Variants in ARHGAP5 observed in about 807,000 individuals in gnomAD.
ARHGAP5 encodes Rho GTPase activating protein 5, also known as rho GTPase-activating protein 5.
Under a neutral mutation model 116.6 loss-of-function variants are expected in ARHGAP5, and 23 were observed. That is an observed-to-expected ratio of 0.20 (90% CI 0.14 to 0.28). The LOEUF (loss-of-function observed/expected upper bound fraction) is 0.28, where lower values mean the gene tolerates loss of function less well. Among genes scored for constraint, ARHGAP5 ranks in the 10% least tolerant of loss-of-function variants. The pLI is 1.00. For synonymous variants in ARHGAP5, 574 were observed against 602.0 expected (o/e 0.95, Z 0.68); for missense variants, 1,405 against 1,774.8 (o/e 0.79, Z 3.74).
At chr14:32,115,480 G>C (rs186290240) in intron 2 of ARHGAP5, among the ~76,000 whole-genome samples, 1 of 151,826 alleles carries the variant, frequency 6.6e-6, no homozygotes, top group African/African-American at 2.4e-5. Flanking sequence ...TGGCCAACAC[G>C]GTGAAACCGC....
chr14:32,104,604 C>T (rs1158954256), intron 2 of ARHGAP5, among the ~76,000 whole-genome samples: 1 of 152,148 alleles, frequency 6.6e-6, no homozygotes, highest in Non-Finnish European at 1.5e-5. Flanking sequence ...TTCTTTCTTA[C>T]ACCAGTGTGT....
chr14:32,121,380 G>GTA (rs1566673521), intron 3 of ARHGAP5, among the ~76,000 whole-genome samples: 2 of 151,768 alleles, frequency 1.3e-5, no homozygotes, highest in Admixed American at 6.6e-5. Context: ...TTCTAATGTG[G>GTA]TATACATCTT....
chr14:32,110,125 G>GTA (rs1426661922), intron 2 of ARHGAP5, among the ~76,000 whole-genome samples: 1 of 151,254 alleles, frequency 6.6e-6, no homozygotes, highest in East Asian at 1.9e-4. Context: ...ATTTCATAGT[G>GTA]TTCCAGATGT....
chr14:32,116,637 C>T (rs113305662), intron 2 of ARHGAP5, among the ~76,000 whole-genome samples: 6,577 of 151,888 alleles, frequency 0.043, 471 homozygotes, highest in African/African-American at 0.15. Flanking sequence ...CATCAGTAGG[C>T]AGGAAGAAAA....
intron 5 of ARHGAP5, 70 bp from the exon 6 acceptor site, chr14:32,152,353 C>A: frequency 9.9e-7 from 1 of 1,014,112 alleles, no homozygotes; most frequent in Non-Finnish European, 1.5e-6. Context: ...GTAAATATAG[C>A]AGGAAGCTTT....
rs942020224 is a variant in ARHGAP5, at chr14:32,091,878, C to T, written c.1209C>T (p.Asp403=). The change falls in exon 2 of 7, where the codon GAC becomes GAT. Residue 403 remains aspartate (D), a synonymous_variant. Transcript: ENST00000345122. ...TTAATGATAGGCGGATTCCATTTGA[C>T]CTCCTGAGCACTTTAGAAGCTGAAA... ...DKINDRRIPF[D]LLSTLEAEKV... The T allele has an allele frequency of 6.2e-7, 1 of 1,613,350 alleles. No individual in the cohort carries two copies. Among genetic ancestry groups the T allele is most frequent in the African/African-American group, 1.3e-5 (1 of 74,838 alleles).
intron 3 of ARHGAP5, among the ~76,000 whole-genome samples, chr14:32,134,322 G>A (rs774684120): frequency 6.6e-6 from 1 of 152,070 alleles, no homozygotes; most frequent in Non-Finnish European, 1.5e-5. Flanking sequence ...CATAATATAT[G>A]TATCCCCCTC....
At chr14:32,103,921 A>T (rs1484590828) in intron 2 of ARHGAP5, among the ~76,000 whole-genome samples, 1 of 152,220 alleles carries the variant, frequency 6.6e-6, no homozygotes, top group Non-Finnish European at 1.5e-5. Flanking sequence ...AAGAGATCTT[A>T]TGATTGTATC....
At position 32,093,066 on chromosome 14, in the gene ARHGAP5, C is replaced by A. The variant is rs768232197; in HGVS notation, c.2397C>A (p.Phe799Leu). The change falls in exon 2 of 7, where the codon TTC (phenylalanine) becomes TTA (leucine). Residue 799 changes from phenylalanine to leucine, a missense_variant. Around this residue, in one of 6 missense-constraint regions of ARHGAP5, gnomAD observed 944 missense variants for 1,095.3 expected, o/e 0.86. Coordinates refer to ENST00000345122, the MANE Select transcript of ARHGAP5 (RefSeq NM_001030055.2). ...PFSVDLILSP[F>L]LDSHSCSAAQ... ...GTGTGGATCTTATTCTTTCACCCTT[C>A]CTTGATTCTCATTCTTGCAGTGCTG... 1 of 1,613,872 alleles carries A rather than the reference C, an allele frequency of 6.2e-7. No homozygotes were observed. Among genetic ancestry groups the A allele is most frequent in the East Asian group, 2.2e-5 (1 of 44,886 alleles).
At chr14:32,140,424 A>AC (rs1881064066) in intron 3 of ARHGAP5, among the ~76,000 whole-genome samples, 1 of 143,704 alleles carries the variant, frequency 7.0e-6, no homozygotes, top group African/African-American at 2.7e-5. Flanking sequence ...GACTAAAAAT[A>AC]CAAAAAAAAA....
intron 2 of ARHGAP5, among the ~76,000 whole-genome samples, chr14:32,101,151 T>G (rs1878772166): frequency 6.6e-6 from 1 of 152,190 alleles, no homozygotes. Flanking sequence ...CAACTTGTAT[T>G]CCTTCTAATC....
At chr14:32,151,630 C>G (rs1485782518) in intron 5 of ARHGAP5, among the ~76,000 whole-genome samples, 1 of 152,144 alleles carries the variant, frequency 6.6e-6, no homozygotes, top group Non-Finnish European at 1.5e-5. Context: ...GGAGTATAGC[C>G]ACTCCCGTTT....
intron 2 of ARHGAP5, among the ~76,000 whole-genome samples, chr14:32,109,838 G>A (rs1879198225): frequency 6.6e-6 from 1 of 152,098 alleles, no homozygotes. Context: ...GAACATTCCT[G>A]TAGATGAGTC....
chr14:32,079,876 G>C (rs557995543), intron 1 of ARHGAP5, among the ~76,000 whole-genome samples: 1 of 152,078 alleles, frequency 6.6e-6, no homozygotes, highest in Non-Finnish European at 1.5e-5. Flanking sequence ...ATACCAAGAA[G>C]GTGTGTAGTA....
intron 3 of ARHGAP5, 60 bp downstream of exon 3, chr14:32,117,347 C>A: frequency 7.1e-7 from 1 of 1,414,010 alleles, no homozygotes; most frequent in Non-Finnish European, 9.7e-7. Flanking sequence ...GATACACCAA[C>A]AGTTTGTCAA....
intron 3 of ARHGAP5, among the ~76,000 whole-genome samples, chr14:32,125,446 T>C (rs1880103272): frequency 6.6e-6 from 1 of 152,264 alleles, no homozygotes; most frequent in East Asian, 1.9e-4. Context: ...TGAACATTCA[T>C]GTGTACAACT....
chr14:32,153,005 C>G (rs976149547), intron 6 of ARHGAP5, among the ~76,000 whole-genome samples: 1 of 148,782 alleles, frequency 6.7e-6, no homozygotes, highest in Non-Finnish European at 1.5e-5. Context: ...AAAGTCTCCT[C>G]ATAATATTTT....
At chr14:32,088,058 T>C (rs750844610) in intron 1 of ARHGAP5, among the ~76,000 whole-genome samples, 5 of 152,036 alleles carry the variant, frequency 3.3e-5, no homozygotes, top group African/African-American at 4.8e-5. Context: ...TATCTTAACA[T>C]ATAGAGTATA....
intron 3 of ARHGAP5, among the ~76,000 whole-genome samples, chr14:32,125,260 A>T (rs879687686): frequency 6.6e-6 from 1 of 152,196 alleles, no homozygotes; most frequent in Non-Finnish European, 1.5e-5. Context: ...GTAGAATCAC[A>T]CAATGTATGA....
Sources: gnomAD v4.1 joint callset for allele counts (sites outside exome capture counted in the v4.1 genomes callset) on GRCh38, gnomAD v4.1.1 for gene constraint, gnomAD v4.1.1 regional missense constraint, MANE v1.5 for transcripts, NCBI Gene and HGNC (gene_info 2026-07-23, HGNC 2026-07-21) for gene names.